Variants in SLC4A4 observed in about 807,000 individuals in gnomAD.
SLC4A4 encodes the protein solute carrier family 4 member 4.
A neutral mutation model predicts 111.5 loss-of-function variants in SLC4A4; 27 were observed. The ratio of observed to expected loss-of-function variants is 0.24; its 90% CI spans 0.18 to 0.33. The LOEUF (loss-of-function observed/expected upper bound fraction) is 0.33, where lower values mean the gene tolerates loss of function less well. Among genes scored for constraint, SLC4A4 ranks in the 10% least tolerant of loss-of-function variants. The probability of loss-of-function intolerance (pLI) is 1.00; values close to 1 mark genes in which losing one functional copy is unlikely to be tolerated. For synonymous variants in SLC4A4, 443 were observed against 463.4 expected (o/e 0.96, Z 0.57); for missense variants, 909 against 1,315.5 (o/e 0.69, Z 4.78).
rs1379267395 is a variant in SLC4A4 at position 71,571,918 on chromosome 4, C to G, written c.*4167C>G. On this transcript the variant is annotated 3_prime_UTR_variant, in exon 26 of 26. Transcript: ENST00000264485. ...AAACATTTCAATATATTACTAATAA[C>G]TTTTTCCAATATAAATCCTAAAATT... 1 of 152,146 alleles carries G rather than the reference C, an allele frequency of 6.6e-6. No individual in the cohort carries two copies. Among genetic ancestry groups the G allele is most frequent in the Non-Finnish European group, 1.5e-5 (1 of 67,870 alleles). 9.4% of individuals were successfully genotyped at this position (152,146 alleles called of 1,614,324 possible).
chr4:71,248,165 GT>G (rs767721694), intron 2 of SLC4A4, among the ~76,000 whole-genome samples: 3 of 152,126 alleles, frequency 2.0e-5, no homozygotes, highest in Non-Finnish European at 2.9e-5. Context: ...CTAGGTGAAT[GT>G]TCTGGAGAAC....
intron 3 of SLC4A4, among the ~76,000 whole-genome samples, chr4:71,311,938 A>C (rs1450817041): frequency 1.3e-5 from 2 of 151,448 alleles, no homozygotes; most frequent in African/African-American, 4.9e-5. Flanking sequence ...AGAGAGAAGG[A>C]GATAGAGACA....
intron 6 of SLC4A4, among the ~76,000 whole-genome samples, chr4:71,396,802 G>A (rs895625529): frequency 7.2e-5 from 11 of 152,120 alleles, no homozygotes; most frequent in East Asian, 1.9e-4. Flanking sequence ...ATGGATCACC[G>A]GTGAACCATA....
At chr4:71,276,400 G>A (rs1723069792) in intron 3 of SLC4A4, among the ~76,000 whole-genome samples, 1 of 152,140 alleles carries the variant, frequency 6.6e-6, no homozygotes, top group Non-Finnish European at 1.5e-5. Context: ...AGACACAGAA[G>A]AGCTCCATCA....
chr4:71,107,205 G>A (rs1444312534), intron 2 of SLC4A4, among the ~76,000 whole-genome samples: 1 of 151,934 alleles, frequency 6.6e-6, no homozygotes. Flanking sequence ...CTGTCTTTGG[G>A]GAATTTAATC....
intron 1 of SLC4A4, among the ~76,000 whole-genome samples, chr4:71,210,969 A>G (rs1718101911): frequency 6.6e-6 from 1 of 152,230 alleles, no homozygotes; most frequent in African/African-American, 2.4e-5. Flanking sequence ...TTTCCAAAGA[A>G]TTGTCTGAAA....
At position 71,426,877 on chromosome 4, in the gene SLC4A4, C is replaced by T. The variant is rs575141313; in HGVS notation, c.808-13739C>T. Among the ~76,000 whole-genome samples the T allele has an allele frequency of 4.6e-5, 7 of 152,172 alleles. No homozygotes were observed. The South Asian group carries it at 1.5e-3, about 32-fold the overall frequency. ...TCTTTATAAAAATCTTTATGAGTTA[C>T]AGCTGTAAAATATGGTTGTAGTTTT... On this transcript the variant is annotated intron_variant, in intron 7 of 25. Transcript: ENST00000264485.
chr4:71,197,847 C>G (rs538023245), intron 1 of SLC4A4, among the ~76,000 whole-genome samples: 1 of 152,268 alleles, frequency 6.6e-6, no homozygotes, highest in African/African-American at 2.4e-5. Flanking sequence ...GAGACACCTA[C>G]TAACTCTCTA....
chr4:71,141,505 A>G (rs540338814), intron 2 of SLC4A4, among the ~76,000 whole-genome samples: 8 of 152,058 alleles, frequency 5.3e-5, no homozygotes, highest in Non-Finnish European at 1.0e-4. Flanking sequence ...TCTCTTGGGC[A>G]TGCTTCTTTT....
chr4:71,406,668 A>G (rs1258258333), intron 7 of SLC4A4, among the ~76,000 whole-genome samples: 2 of 138,242 alleles, frequency 1.4e-5, no homozygotes, highest in Non-Finnish European at 3.1e-5. Context: ...TTTTGCCACC[A>G]TGTTAAAAGG....
At chr4:71,553,042 T>C (rs187786450) in intron 20 of SLC4A4, among the ~76,000 whole-genome samples, 250 of 151,970 alleles carry the variant, frequency 1.6e-3, no homozygotes, top group African/African-American at 5.8e-3. Flanking sequence ...TTCTGTCAAG[T>C]TTCATCAAGT....
chr4:71,529,181 C>T (rs918786040), intron 16 of SLC4A4, among the ~76,000 whole-genome samples: 2 of 151,758 alleles, frequency 1.3e-5, no homozygotes, highest in Admixed American at 6.6e-5. Context: ...GAAAAACAGC[C>T]CTGATTTGGA....
intron 7 of SLC4A4, among the ~76,000 whole-genome samples, chr4:71,405,259 CTTAAAT>C (rs1720739822): frequency 6.6e-6 from 1 of 152,046 alleles, no homozygotes. Flanking sequence ...AGTGAAAATT[CTTAAAT>C]TAAAATCCTT....
At chr4:71,446,893 A>G (rs762405082) in intron 8 of SLC4A4, among the ~76,000 whole-genome samples, 10 of 152,220 alleles carry the variant, frequency 6.6e-5, no homozygotes, top group Non-Finnish European at 7.3e-5. Context: ...GCCCTGTGTG[A>G]TAAGTGAGGG....
chr4:71,120,622 C>CT (rs1743386336), intron 2 of SLC4A4, among the ~76,000 whole-genome samples: 1 of 152,190 alleles, frequency 6.6e-6, no homozygotes, highest in Non-Finnish European at 1.5e-5. Context: ...AATCCCAGCA[C>CT]TTTGGGAGGC....
intron 1 of SLC4A4, among the ~76,000 whole-genome samples, chr4:71,216,253 T>C (rs1308312867): frequency 6.6e-6 from 1 of 152,254 alleles, no homozygotes; most frequent in Non-Finnish European, 1.5e-5. Context: ...AATTAGTTCT[T>C]ACCAAAGATG....
At chr4:71,353,149 T>TG (rs1729992496) in intron 5 of SLC4A4, among the ~76,000 whole-genome samples, 1 of 152,216 alleles carries the variant, frequency 6.6e-6, no homozygotes, top group African/African-American at 2.4e-5. Context: ...AAGCATTTTG[T>TG]GGTTTCTCTT....
intron 3 of SLC4A4, among the ~76,000 whole-genome samples, chr4:71,275,185 G>C (rs1722982879): frequency 6.6e-6 from 1 of 152,174 alleles, no homozygotes; most frequent in Non-Finnish European, 1.5e-5. Context: ...TGCTTTAATT[G>C]TTGCCAGTGC....
At chr4:71,323,726 A>G (rs1727294526) in intron 3 of SLC4A4, among the ~76,000 whole-genome samples, 1 of 152,038 alleles carries the variant, frequency 6.6e-6, no homozygotes, top group South Asian at 2.1e-4. Context: ...TGAACTCTGT[A>G]CTTACCCCCA....
Sources: gnomAD v4.1 joint callset for allele counts (sites outside exome capture counted in the v4.1 genomes callset) on GRCh38, gnomAD v4.1.1 for gene constraint, MANE v1.5 for transcripts, NCBI Gene and HGNC (gene_info 2026-07-23, HGNC 2026-07-21) for gene names.